Variants in NACC2 observed in about 807,000 individuals in gnomAD.
NACC2 encodes NACC family member 2.
In NACC2, 8 loss-of-function variants were observed where a neutral mutation model predicts 25.1. The ratio of observed to expected loss-of-function variants is 0.32; its 90% CI spans 0.19 to 0.57. The LOEUF (loss-of-function observed/expected upper bound fraction) is 0.57, where lower values mean the gene tolerates loss of function less well. Among genes scored for constraint, NACC2 ranks in the 20% least tolerant of loss-of-function variants. The pLI is 0.89. For missense variants in NACC2, 644 were observed against 650.2 expected (o/e 0.99, Z 0.10); for synonymous variants, 435 against 294.7 (o/e 1.48, Z -4.88).
At position 136,022,886 on chromosome 9, in the gene NACC2, C is replaced by A. The variant is rs1426122577; in HGVS notation, c.887-6457G>T. Among the ~76,000 whole-genome samples, 1 of 145,984 alleles carries A rather than the reference C, an allele frequency of 6.9e-6. No homozygotes were observed. The highest frequency in any genetic ancestry group is 6.9e-5 in the Admixed American group (1 of 14,560). On this transcript the variant is annotated intron_variant, in intron 2 of 5. Coordinates refer to ENST00000277554, the MANE Select transcript of NACC2 (RefSeq NM_144653.5). This position sits in a 1 kb window ranked among gnomAD's most constrained non-coding sequence, Gnocchi z 4.4. ...CGCCATAACTGGGAAGGCAAACCAT[C>A]ACCAATTACCACGCCATGCCACGCC...
intron 1 of NACC2, among the ~76,000 whole-genome samples, chr9:136,070,769 G>A (rs1395551827): frequency 2.0e-5 from 3 of 150,414 alleles, no homozygotes; most frequent in South Asian, 2.1e-4. Context: ...GAACAGAGGA[G>A]GAAAAAAATC....
In NACC2 at chr9:136,007,476, GACGCACAC is replaced by G. The variant is rs1840036351; in HGVS notation, c.*4032_*4039del. The G allele has an allele frequency of 1.5e-5, 2 of 135,024 alleles. No homozygotes were observed. The highest frequency in any genetic ancestry group is 2.3e-4 in the South Asian group (1 of 4,274). The allele number at this position is 135,024 out of a possible 1,614,324, so 8.4% of individuals were successfully genotyped here. ...ACGCGCACACAGACGCACACACACAGACGCACACACGCACAGACACACACATGCACAGA... is the reference window on the plus strand; with the variant it reads ...ACGCGCACACAGACGCACACACACAGACGCACAGACACACACATGCACAGA... On this transcript the variant is annotated 3_prime_UTR_variant, in exon 6 of 6. Transcript: ENST00000277554.
intron 1 of NACC2, 23 bp from the exon 2 acceptor site, chr9:136,050,603 G>C (rs964231252): frequency 5.7e-6 from 4 of 703,312 alleles, no homozygotes; most frequent in Admixed American, 4.0e-5. Context: ...GGAGGCACGT[G>C]GTCAGTTCCT....
intron 1 of NACC2, among the ~76,000 whole-genome samples, chr9:136,075,252 C>A (rs1830248652): frequency 6.6e-6 from 1 of 152,244 alleles, no homozygotes; most frequent in Non-Finnish European, 1.5e-5. Context: ...GACTCCAGGA[C>A]ACATTCTGGT....
At position 136,013,139 on chromosome 9, in the gene NACC2, C is replaced by T; in HGVS notation, c.1255+60G>A. ...CCCCCGCGGCCCACCCAGTCCTCCT[C>T]AGGCTGGGATCTGAACCCAGCCCCG... On this transcript the variant is annotated intron_variant, in intron 5 of 5. Transcript: ENST00000277554. The surrounding 1 kb of genome is among the most constrained non-coding windows in gnomAD (Gnocchi z 6.6). 1 of 1,447,600 alleles carries T rather than the reference C, an allele frequency of 6.9e-7. No homozygotes were observed. Among genetic ancestry groups the T allele is most frequent in the Admixed American group, 1.8e-5 (1 of 56,894 alleles). The allele number at this position is 1,447,600 out of a possible 1,614,324, so 89.7% of individuals were successfully genotyped here.
At position 136,011,722 on chromosome 9, in the gene NACC2, C is replaced by T. The variant is rs2131130122; in HGVS notation, c.1558G>A (p.Ala520Thr). 2 of 1,521,998 alleles carry T rather than the reference C, an allele frequency of 1.3e-6. No homozygotes were observed. Among genetic ancestry groups the T allele is most frequent in the Middle Eastern group, 1.7e-4 (1 of 5,754 alleles). The allele number at this position is 1,521,998 out of a possible 1,614,324, so 94.3% of individuals were successfully genotyped here. Residue 520 changes from alanine to threonine, a missense_variant, in exon 6 of 6, where the codon GCC (alanine) becomes ACC (threonine). Transcript: ENST00000277554. The part of the protein sequence containing the change: ...RTDAVNVDLS[A>T]AANPAFDAGE... Reference sequence around the variant, plus strand: ...GCGTCGAAGGCGGGGTTGGCGGCGGCACTCAGGTCAACATTCACGGCGTCA... The same window carrying T: ...GCGTCGAAGGCGGGGTTGGCGGCGGTACTCAGGTCAACATTCACGGCGTCA...
At chr9:136,066,922 T>C (rs1841090445) in intron 1 of NACC2, among the ~76,000 whole-genome samples, 1 of 149,482 alleles carries the variant, frequency 6.7e-6, no homozygotes. Flanking sequence ...ATATAAAATG[T>C]CCAGAACAGA....
chr9:136,065,932 G>A (rs1045434820), intron 1 of NACC2, among the ~76,000 whole-genome samples: 1 of 152,050 alleles, frequency 6.6e-6, no homozygotes, highest in Admixed American at 6.6e-5. Flanking sequence ...GGTGGCTCAC[G>A]CTTGTAATCC....
intron 1 of NACC2, among the ~76,000 whole-genome samples, chr9:136,087,020 G>A (rs552291979): frequency 1.8e-4 from 27 of 152,344 alleles, no homozygotes; most frequent in African/African-American, 6.3e-4. Context: ...CCGGATTTAG[G>A]GTGGACCCTA....
intron 1 of NACC2, among the ~76,000 whole-genome samples, chr9:136,057,218 C>T (rs749290498): frequency 3.3e-5 from 5 of 152,224 alleles, no homozygotes; most frequent in Admixed American, 6.5e-5. Context: ...CAAGCAGCCA[C>T]GGCTCACCTG....
intron 1 of NACC2, among the ~76,000 whole-genome samples, chr9:136,052,785 A>C (rs1840866235): frequency 6.6e-6 from 1 of 152,226 alleles, no homozygotes; most frequent in South Asian, 2.1e-4. Flanking sequence ...CTGCGGCCAC[A>C]CAGGCTGCAC....
intron 1 of NACC2, among the ~76,000 whole-genome samples, chr9:136,076,716 T>A (rs1426571119): frequency 6.6e-6 from 1 of 152,146 alleles, no homozygotes; most frequent in Non-Finnish European, 1.5e-5. Context: ...CTACAATTTT[T>A]AAAAAATGTA....
rs780536659 is a variant in NACC2, at chr9:136,011,629, C to T, written c.1651G>A (p.Asp551Asn). The T allele has an allele frequency of 5.7e-6, 8 of 1,401,276 alleles. No homozygotes were observed. The highest frequency in any genetic ancestry group is 2.9e-5 in the East Asian group (1 of 34,670). The allele number at this position is 1,401,276 out of a possible 1,614,324, so 86.8% of individuals were successfully genotyped here. A position where few individuals can be genotyped will look rare whatever the true frequency, so the allele number is the denominator to read the frequency against. Reference sequence around the variant, plus strand: ...AAGGGCTGTGGGGGGCTCTGGCCATCGGCGGGCAGCGGCTCGGGGGCGGCC... The same window carrying T: ...AAGGGCTGTGGGGGGCTCTGGCCATTGGCGGGCAGCGGCTCGGGGGCGGCC... ...EVAAPEPLPADGQSPPQPFEQ... is the reference protein window; with the variant it reads ...EVAAPEPLPANGQSPPQPFEQ... The change falls in exon 6 of 6, where the codon GAT (aspartate) becomes AAT (asparagine). Residue 551 changes from aspartate to asparagine, a missense_variant. Physicochemically the swap from Asp to Asn is conservative, Grantham distance 23 (BLOSUM62 1). Transcript: ENST00000277554.
intron 2 of NACC2, among the ~76,000 whole-genome samples, chr9:136,030,753 C>T (rs150558167): frequency 0.013 from 2,044 of 152,198 alleles, 52 homozygotes; most frequent in African/African-American, 0.041. Flanking sequence ...CCTGCGCCTC[C>T]CAGGTTCAAG....
chr9:136,024,551 CAG>C (rs1491091837), intron 2 of NACC2, among the ~76,000 whole-genome samples: 1 of 129,046 alleles, frequency 7.7e-6, no homozygotes, highest in Admixed American at 7.7e-5. Flanking sequence ...TGTGTGAGGA[CAG>C]TGTGTGTAAG....
At chr9:136,092,222 G>A (rs565788350) in intron 1 of NACC2, among the ~76,000 whole-genome samples, 2 of 152,332 alleles carry the variant, frequency 1.3e-5, no homozygotes, top group Admixed American at 1.3e-4. Flanking sequence ...ACGAAATGCT[G>A]GGGAGAGGGC....
At chr9:136,040,189 C>T (rs1840607198) in intron 2 of NACC2, among the ~76,000 whole-genome samples, 1 of 151,712 alleles carries the variant, frequency 6.6e-6, no homozygotes, top group Non-Finnish European at 1.5e-5. Flanking sequence ...ACTAAAAATA[C>T]AAAAAATTAG....
rs1019744622 is a variant in NACC2 at position 136,019,088 on chromosome 9, C to T, written c.887-2659G>A. 1.3e-5 allele frequency: 2 copies of T among 152,214 alleles called. No individual in the cohort carries two copies. The highest frequency in any genetic ancestry group is 4.8e-5 in the African/African-American group (2 of 41,442). 9.4% of individuals were successfully genotyped at this position (152,214 alleles called of 1,614,324 possible). ...CACCGGGTGCTGCTGGCTAAAAACA[C>T]CCCGCCCCGAGTGGAAGCTCGTCCG... On this transcript the variant is annotated intron_variant, in intron 2 of 5. Transcript: ENST00000277554. This position sits in a 1 kb window ranked among gnomAD's most constrained non-coding sequence, Gnocchi z 5.2.
chr9:136,088,630 C>T (rs184962335), intron 1 of NACC2, among the ~76,000 whole-genome samples: 105 of 152,364 alleles, frequency 6.9e-4, no homozygotes, highest in Middle Eastern at 6.8e-3. Context: ...ATCCCAACCA[C>T]GATGGCCTCA....
Sources: allele counts gnomAD v4.1 joint callset (sites outside exome capture counted in the v4.1 genomes callset), GRCh38; gene constraint gnomAD v4.1.1; non-coding constraint Gnocchi (gnomAD v3.1); transcripts MANE v1.5; gene names NCBI Gene and HGNC (gene_info 2026-07-23, HGNC 2026-07-21).